MGAT4C: variants seen among roughly 807,000 people sequenced by gnomAD.
MGAT4C encodes the protein alpha-1,3-mannosyl-glycoprotein 4-beta-N-acetylglucosaminyltransferase C.
Under a neutral mutation model 40.1 loss-of-function variants are expected in MGAT4C, and 19 were observed. The observed-to-expected ratio is 0.47, with a 90% CI of 0.33 to 0.70. The LOEUF is 0.70. Ranked by LOEUF, MGAT4C falls within the 30% of genes least tolerant of loss-of-function variation. The pLI, the probability that MGAT4C is intolerant of heterozygous loss-of-function variation, is 0.02. For missense variants in MGAT4C, 491 were observed against 563.2 expected (o/e 0.87, Z 1.30); for synonymous variants, 181 against 187.1 (o/e 0.97, Z 0.27).
At chr12:86,278,683 A>T (rs1231598421) in intron 4 of MGAT4C, among the ~76,000 whole-genome samples, 1 of 151,690 alleles carries the variant, frequency 6.6e-6, no homozygotes, top group Non-Finnish European at 1.5e-5. Context: ...AATTTGATGC[A>T]ATTTTTTTCT....
chr12:86,463,578 T>C (rs933705183), intron 2 of MGAT4C, among the ~76,000 whole-genome samples: 1 of 152,152 alleles, frequency 6.6e-6, no homozygotes, highest in Non-Finnish European at 1.5e-5. Context: ...AAAGATCACT[T>C]TTTCAGGGTA....
At chr12:86,112,260 A>T (rs547869303) in intron 1 of MGAT4C, among the ~76,000 whole-genome samples, 2 of 151,804 alleles carry the variant, frequency 1.3e-5, no homozygotes, top group East Asian at 1.9e-4. Context: ...ATATCCCCTA[A>T]ATGGTGCTAT....
chr12:86,210,573 A>G (rs1950423527), intron 1 of MGAT4C, among the ~76,000 whole-genome samples: 1 of 152,218 alleles, frequency 6.6e-6, no homozygotes, highest in Non-Finnish European at 1.5e-5. Flanking sequence ...CCAATTAGAA[A>G]TCAGTAAAGT....
At chr12:86,259,239 C>A (rs2136093316), upstream of MGAT4C, among the ~76,000 whole-genome samples, 1 of 151,856 alleles carries the variant, frequency 6.6e-6, no homozygotes, top group Non-Finnish European at 1.5e-5. Flanking sequence ...AACTTCAAGA[C>A]CTTTCAGTAA....
chr12:86,642,518 G>T (rs1963421393), intron 2 of MGAT4C, among the ~76,000 whole-genome samples: 1 of 151,692 alleles, frequency 6.6e-6, no homozygotes, highest in South Asian at 2.1e-4. Flanking sequence ...TAAGTAAAGG[G>T]CTTCAAGCTC....
chr12:86,543,296 A>G (rs1444775684), intron 2 of MGAT4C, among the ~76,000 whole-genome samples: 2 of 151,430 alleles, frequency 1.3e-5, no homozygotes, highest in Non-Finnish European at 2.9e-5. Flanking sequence ...ATCATATATT[A>G]TTAATTTTAT....
intron 1 of MGAT4C, among the ~76,000 whole-genome samples, chr12:86,191,632 AAC>A (rs61626246): frequency 0.24 from 28,693 of 121,424 alleles, 3,308 homozygotes; most frequent in South Asian, 0.36. Flanking sequence ...CAAAAAACAA[AAC>A]ACACACACAC....
At chr12:86,769,252 A>G (rs1951581971) in intron 1 of MGAT4C, among the ~76,000 whole-genome samples, 1 of 152,142 alleles carries the variant, frequency 6.6e-6, no homozygotes, top group African/African-American at 2.4e-5. Context: ...ATGCAGCCAA[A>G]AGACACATGA....
chr12:86,588,816 G>A (rs1455417607), intron 2 of MGAT4C, among the ~76,000 whole-genome samples: 10 of 151,760 alleles, frequency 6.6e-5, no homozygotes, highest in East Asian at 1.9e-4. Context: ...GGTACATAAC[G>A]AAATGAAGGC....
At chr12:86,476,666 T>C (rs1169002474) in intron 2 of MGAT4C, among the ~76,000 whole-genome samples, 3 of 151,982 alleles carry the variant, frequency 2.0e-5, no homozygotes, top group Admixed American at 2.0e-4. Flanking sequence ...AATAAAGACA[T>C]GGAATCAACC....
At chr12:86,376,202 T>C (rs1245355975) in intron 3 of MGAT4C, among the ~76,000 whole-genome samples, 2 of 129,512 alleles carry the variant, frequency 1.5e-5, no homozygotes. Context: ...CTGAGAGACA[T>C]GGAGATAACA....
chr12:86,400,829 C>T (rs1956342912), intron 3 of MGAT4C, among the ~76,000 whole-genome samples: 1 of 152,096 alleles, frequency 6.6e-6, no homozygotes, highest in African/African-American at 2.4e-5. Context: ...TAGGATTTTT[C>T]TTAAACTGCA....
At chr12:86,283,020 C>T (rs564191989) in intron 4 of MGAT4C, among the ~76,000 whole-genome samples, 2 of 152,136 alleles carry the variant, frequency 1.3e-5, no homozygotes, top group South Asian at 4.1e-4. Context: ...AACTCAGTGC[C>T]TGGTAAAAGA....
chr12:86,110,268 C>CTATATATAGTCTA (rs1877033659), intron 1 of MGAT4C, among the ~76,000 whole-genome samples: 1 of 22,308 alleles, frequency 4.5e-5, no homozygotes, highest in East Asian at 1.0e-3. Context: ...TATATATAGA[C>CTATATATAGTCTA]TATATATATA....
At chr12:86,815,730 C>A (rs1359229271) in intron 1 of MGAT4C, among the ~76,000 whole-genome samples, 2 of 151,380 alleles carry the variant, frequency 1.3e-5, no homozygotes, top group Non-Finnish European at 2.9e-5. Flanking sequence ...GGATTGGAGA[C>A]TATTACTCTA....
intron 2 of MGAT4C, among the ~76,000 whole-genome samples, chr12:86,018,969 G>C (rs1047738675): frequency 6.6e-6 from 1 of 152,132 alleles, no homozygotes; most frequent in East Asian, 1.9e-4. Flanking sequence ...GACAAGTTAT[G>C]TTGTAACTTA....
chr12:86,201,781 C>T (rs908886244), intron 1 of MGAT4C, among the ~76,000 whole-genome samples: 1 of 151,898 alleles, frequency 6.6e-6, no homozygotes, highest in African/African-American at 2.4e-5. Flanking sequence ...ATCTTCCAAT[C>T]CATGAAAACT....
chr12:86,785,125 C>A (rs748822414), intron 1 of MGAT4C, among the ~76,000 whole-genome samples: 7 of 151,986 alleles, frequency 4.6e-5, no homozygotes, highest in Non-Finnish European at 1.0e-4. Context: ...TCTATAAATA[C>A]AGTCGCTAAA....
At chr12:86,564,386 A>T (rs1420172196) in intron 2 of MGAT4C, among the ~76,000 whole-genome samples, 2 of 151,908 alleles carry the variant, frequency 1.3e-5, no homozygotes, top group Non-Finnish European at 2.9e-5. Flanking sequence ...GTTGTACCTC[A>T]GGGGTATATC....
Sources: allele counts gnomAD v4.1 joint callset (sites outside exome capture counted in the v4.1 genomes callset), GRCh38; gene constraint gnomAD v4.1.1; transcripts MANE v1.5; gene names NCBI Gene and HGNC (gene_info 2026-07-23, HGNC 2026-07-21).